Variants in AP3B1 observed in about 807,000 individuals in gnomAD.
The protein encoded by AP3B1 is adaptor related protein complex 3 subunit beta 1.
In AP3B1, 61 loss-of-function variants were observed where a neutral mutation model predicts 132.5. That is an observed-to-expected ratio of 0.46 (90% CI 0.37 to 0.57). The LOEUF is 0.57. AP3B1 is among the 20% of genes least tolerant of loss of function. AP3B1 has a pLI of 0.00. For synonymous variants in AP3B1, 388 were observed against 438.3 expected (o/e 0.89, Z 1.43); for missense variants, 1,120 against 1,289.4 (o/e 0.87, Z 2.01).
At position 78,045,059 on chromosome 5, in the gene AP3B1, T is replaced by C. The variant is rs143936767; in HGVS notation, c.2578-5785A>G. Among the ~76,000 whole-genome samples, 623 of 152,266 alleles carry C rather than the reference T, an allele frequency of 4.1e-3. 5 individuals are homozygous for C. The highest frequency in any genetic ancestry group is 0.012 in the African/African-American group (501 of 41,536). On this transcript the variant is annotated intron_variant, in intron 22 of 26. Transcript: ENST00000255194. ...TAAATGACACTTCGTGGTAATAATA[T>C]ATACTTGTTTAACTACAGAAAGGTA...
At position 78,129,314 on chromosome 5, in the gene AP3B1, G is replaced by GA. The variant is rs1333771177; in HGVS notation, c.1651-8dup. The GA allele has an allele frequency of 8.1e-6, 13 of 1,596,310 alleles. No individual in the cohort carries two copies. Among genetic ancestry groups the GA allele is most frequent in the African/African-American group, 1.3e-5 (1 of 74,452 alleles). ...ACTGGGTAAGCAATTTTGTCTGTTG[G>GA]AAAAAAACAGATCAAGATGAGAATA... On this transcript the variant is annotated splice_polypyrimidine_tract_variant and splice_region_variant and intron_variant, in intron 15 of 26. Coordinates refer to ENST00000255194, the MANE Select transcript of AP3B1 (RefSeq NM_003664.5).
intron 1 of AP3B1, among the ~76,000 whole-genome samples, chr5:78,275,911 G>A (rs957519304): frequency 1.3e-5 from 2 of 151,990 alleles, no homozygotes; most frequent in Non-Finnish European, 2.9e-5. Context: ...AACAACTGCA[G>A]AATAAACATT....
chr5:78,012,994 A>G (rs1324963318), intron 26 of AP3B1, among the ~76,000 whole-genome samples: 2 of 152,166 alleles, frequency 1.3e-5, no homozygotes, highest in Non-Finnish European at 1.5e-5. Flanking sequence ...CTATCTCCCA[A>G]TAGGAAGATA....
chr5:78,089,242 A>T, intron 22 of AP3B1, 151 bp downstream of exon 22: 2 of 632,826 alleles, frequency 3.2e-6, no homozygotes, highest in Non-Finnish European at 5.6e-6. Flanking sequence ...TAAATTATTT[A>T]AAAAATTAAA....
intron 20 of AP3B1, among the ~76,000 whole-genome samples, chr5:78,109,650 T>C (rs1026845215): frequency 2.0e-5 from 3 of 152,168 alleles, no homozygotes; most frequent in African/African-American, 7.2e-5. Flanking sequence ...TTTATATTAA[T>C]AACTATATTT....
In AP3B1 at chr5:78,172,718, G is replaced by A. The variant is rs544305077; in HGVS notation, c.1167+2908C>T. Among the ~76,000 whole-genome samples the A allele has an allele frequency of 3.8e-3, 574 of 151,930 alleles. 4 individuals are homozygous for A. Among genetic ancestry groups the A allele is most frequent in the African/African-American group, 0.013 (544 of 41,488 alleles). ...TCATTGATTTTTCGAAGGGTTTTTC[G>A]TTATTGGGTATTTCGTTTTTGAAGG... On this transcript the variant is annotated intron_variant, in intron 11 of 26. Transcript: ENST00000255194.
chr5:78,048,457 T>C (rs1159166832), intron 22 of AP3B1, among the ~76,000 whole-genome samples: 2 of 152,138 alleles, frequency 1.3e-5, no homozygotes, highest in Non-Finnish European at 2.9e-5. Flanking sequence ...TCCCCATGAC[T>C]GGCTGCAGTT....
chr5:78,267,851 T>C (rs1211337657), intron 1 of AP3B1, among the ~76,000 whole-genome samples: 1 of 152,196 alleles, frequency 6.6e-6, no homozygotes, highest in African/African-American at 2.4e-5. Flanking sequence ...CTGTGGCATT[T>C]TGTTATGGCA....
intron 22 of AP3B1, among the ~76,000 whole-genome samples, chr5:78,075,833 T>C (rs1749745442): frequency 6.6e-6 from 1 of 152,188 alleles, no homozygotes; most frequent in African/African-American, 2.4e-5. Flanking sequence ...CCATGCTAGC[T>C]ACTGATATTC....
At chr5:78,104,093 C>T (rs1028237429) in intron 20 of AP3B1, among the ~76,000 whole-genome samples, 2 of 152,192 alleles carry the variant, frequency 1.3e-5, no homozygotes, top group Middle Eastern at 3.4e-3. Context: ...TCTGTCAAAG[C>T]CATACTGTGC....
chr5:78,113,548 T>C (rs139544839), intron 19 of AP3B1, among the ~76,000 whole-genome samples: 323 of 152,284 alleles, frequency 2.1e-3, no homozygotes, highest in Admixed American at 3.5e-3. Context: ...CCCCAAGATA[T>C]GTTCAAGTTC....
chr5:78,093,458 G>A lies in AP3B1; in HGVS notation c.2471-3959C>T, dbSNP rs557220176. On this transcript the variant is annotated intron_variant, in intron 21 of 26. Coordinates refer to ENST00000255194, the MANE Select transcript of AP3B1 (RefSeq NM_003664.5). ...TTTGCATATGAAGAGAATCTAAACTGATATGTCAGAATGTTAACCTGGGGT... is the reference window on the plus strand; with the variant it reads ...TTTGCATATGAAGAGAATCTAAACTAATATGTCAGAATGTTAACCTGGGGT... Among the ~76,000 whole-genome samples, 8 of 152,280 alleles carry A rather than the reference G, an allele frequency of 5.3e-5. No homozygotes were observed. In the South Asian group the frequency reaches 1.7e-3, roughly 32 times the overall value.
chr5:78,169,886 C>T (rs75597858), intron 11 of AP3B1, among the ~76,000 whole-genome samples: 1 of 152,072 alleles, frequency 6.6e-6, no homozygotes, highest in African/African-American at 2.4e-5. Context: ...AGATATTTCT[C>T]CTCATGTTAT....
chr5:78,176,328 T>C (rs1404178665), intron 9 of AP3B1, among the ~76,000 whole-genome samples: 3 of 150,978 alleles, frequency 2.0e-5, no homozygotes, highest in African/African-American at 7.4e-5. Flanking sequence ...CTGATATCTT[T>C]TGAACTAGCC....
At chr5:78,092,540 C>T (rs762437742) in intron 21 of AP3B1, among the ~76,000 whole-genome samples, 27 of 152,068 alleles carry the variant, frequency 1.8e-4, no homozygotes, top group Non-Finnish European at 3.7e-4. Flanking sequence ...GCCCACCTGG[C>T]AAATTAGAAA....
chr5:78,192,003 G>C (rs1277970904), intron 7 of AP3B1, among the ~76,000 whole-genome samples: 1 of 151,980 alleles, frequency 6.6e-6, no homozygotes, highest in Non-Finnish European at 1.5e-5. Context: ...TAGGGTTACA[G>C]GCATGCACCA....
chr5:78,098,462 T>G (rs1256168788), intron 21 of AP3B1, among the ~76,000 whole-genome samples: 1 of 152,142 alleles, frequency 6.6e-6, no homozygotes, highest in Non-Finnish European at 1.5e-5. Context: ...TAGTACACTC[T>G]AGTACCTTGT....
intron 14 of AP3B1, among the ~76,000 whole-genome samples, chr5:78,142,028 T>C (rs999998519): frequency 2.6e-5 from 4 of 152,204 alleles, no homozygotes; most frequent in Admixed American, 2.6e-4. Context: ...TGTATTAGCA[T>C]CTACAACACT....
intron 19 of AP3B1, 93 bp downstream of exon 19, chr5:78,113,659 C>T: frequency 2.1e-6 from 3 of 1,409,090 alleles, no homozygotes; most frequent in Admixed American, 3.6e-5. Context: ...CACTTTTTTT[C>T]TCTCACCATT....
Sources: allele counts gnomAD v4.1 joint callset (sites outside exome capture counted in the v4.1 genomes callset), GRCh38; gene constraint gnomAD v4.1.1; transcripts MANE v1.5; gene names NCBI Gene and HGNC (gene_info 2026-07-23, HGNC 2026-07-21).